Variants in L3MBTL3 observed in about 807,000 individuals in gnomAD.
The protein encoded by L3MBTL3 is lethal(3)malignant brain tumor-like protein 3.
In L3MBTL3, 27 loss-of-function variants were observed where a neutral mutation model predicts 102.3. The ratio of observed to expected loss-of-function variants is 0.26; its 90% CI spans 0.19 to 0.36. L3MBTL3 has a LOEUF of 0.36. L3MBTL3 is among the 10% of genes least tolerant of loss of function. The probability of loss-of-function intolerance (pLI) is 1.00; values close to 1 mark genes in which losing one functional copy is unlikely to be tolerated. For synonymous variants in L3MBTL3, 340 were observed against 320.9 expected (o/e 1.06, Z -0.64); for missense variants, 798 against 955.3 (o/e 0.84, Z 2.17).
chr6:130,120,981 T>G (rs776831318), intron 20 of L3MBTL3, 23 bp downstream of exon 20: 1 of 1,445,212 alleles, frequency 6.9e-7, no homozygotes. Context: ...ATTCTCATAT[T>G]ACTAATGTGT....
rs755927782 is a variant in L3MBTL3 at position 130,049,760 on chromosome 6, G to A, written c.219G>A (p.Pro73=). The change falls in exon 5 of 23, where the codon CCG becomes CCA. Residue 73 remains proline, a synonymous_variant. Transcript: ENST00000361794. The part of the protein sequence containing the change: ...TWMVPTAQEA[P]TSPPSSRPVF... The stretch of plus-strand genomic sequence containing the variant: ...CTCCTAAATCTACATCTCCAGCCCC[G>A]ACCTCTCCCCCGAGCTCCAGGCCCG... 43 of 1,613,664 alleles carry A rather than the reference G, an allele frequency of 2.7e-5. No individual in the cohort carries two copies. The highest frequency in any genetic ancestry group is 1.0e-4 in the Admixed American group (6 of 59,968).
In L3MBTL3 at chr6:130,094,361, C is replaced by T. The variant is rs774944976; in HGVS notation, c.1730C>T (p.Pro577Leu). Residue 577 changes from proline (P) to leucine (L), a missense_variant, in exon 18 of 23, where the codon CCT becomes CTT. Pro to Leu is a moderately conservative substitution (Grantham distance 98). Coordinates refer to ENST00000361794, the MANE Select transcript of L3MBTL3 (RefSeq NM_032438.4). ...GHFKRARHLGPHSAANCPYSE... is the reference protein window; with the variant it reads ...GHFKRARHLGLHSAANCPYSE... ...TTCAAGAGAGCGAGACATCTGGGCC[C>T]TCACAGGTATGTGGTAGCTGTCACT... 22 of 1,612,272 alleles carry T rather than the reference C, an allele frequency of 1.4e-5. No homozygotes were observed. The highest frequency in any genetic ancestry group is 2.2e-5 in the East Asian group (1 of 44,854).
intron 1 of L3MBTL3, among the ~76,000 whole-genome samples, chr6:130,018,919 T>C (rs1038048729): frequency 6.6e-6 from 1 of 151,890 alleles, no homozygotes; most frequent in East Asian, 1.9e-4. Flanking sequence ...CGGAAACGGC[T>C]GGAGGGGGAG....
chr6:130,134,200 A>G (rs1787371537), intron 22 of L3MBTL3, among the ~76,000 whole-genome samples: 1 of 152,244 alleles, frequency 6.6e-6, no homozygotes, highest in Non-Finnish European at 1.5e-5. Context: ...TATATAGTTT[A>G]TAGCACAGAG....
intron 2 of L3MBTL3, among the ~76,000 whole-genome samples, chr6:130,035,686 G>A (rs1460174009): frequency 6.6e-6 from 1 of 152,158 alleles, no homozygotes; most frequent in Non-Finnish European, 1.5e-5. Flanking sequence ...TTGCAGCCAT[G>A]GTCAGCCATG....
intron 3 of L3MBTL3, among the ~76,000 whole-genome samples, chr6:130,043,421 C>G (rs1780548896): frequency 6.6e-6 from 1 of 152,178 alleles, no homozygotes; most frequent in Non-Finnish European, 1.5e-5. Flanking sequence ...GCCTCCTTTT[C>G]CCAGTAACCC....
intron 2 of L3MBTL3, among the ~76,000 whole-genome samples, chr6:130,033,210 G>A (rs143263884): frequency 8.5e-5 from 13 of 152,238 alleles, no homozygotes; most frequent in East Asian, 7.7e-4. Context: ...TGGGTGAGTC[G>A]GGTGGGGAGG....
At chr6:130,119,313 G>A (rs1785958928) in intron 19 of L3MBTL3, among the ~76,000 whole-genome samples, 1 of 152,124 alleles carries the variant, frequency 6.6e-6, no homozygotes, top group Non-Finnish European at 1.5e-5. Flanking sequence ...CAAACTATTT[G>A]TTGACCACAA....
chr6:130,141,077 G>A lies in L3MBTL3; in HGVS notation c.*1324G>A, dbSNP rs997988279. 18 of 152,406 alleles carry A rather than the reference G, an allele frequency of 1.2e-4. No homozygotes were observed. Among genetic ancestry groups the A allele is most frequent in the Admixed American group, 1.1e-3 (17 of 15,284 alleles). The allele number at this position is 152,406 out of a possible 1,614,324, so 9.4% of individuals were successfully genotyped here. On this transcript the variant is annotated 3_prime_UTR_variant, in exon 23 of 23. Coordinates refer to ENST00000361794, the MANE Select transcript of L3MBTL3 (RefSeq NM_032438.4). ...TAAATTATTTTGTCCGTCTTTTGAT[G>A]TACTTTCTGATTCCAGGATTGGATA...
intron 2 of L3MBTL3, among the ~76,000 whole-genome samples, chr6:130,035,375 CTCAAGGGAGAG>C (rs1779992368): frequency 6.6e-6 from 1 of 152,156 alleles, no homozygotes; most frequent in East Asian, 1.9e-4. Flanking sequence ...GATAGAATAT[CTCAAGGGAGAG>C]TCAGGTTTCA....
At chr6:130,044,608 A>G (rs116062952) in intron 3 of L3MBTL3, among the ~76,000 whole-genome samples, 80 of 152,300 alleles carry the variant, frequency 5.3e-4, no homozygotes, top group African/African-American at 1.9e-3. Context: ...TTTGATAATG[A>G]CTTTCAGACC....
chr6:130,108,409 T>C (rs1370275723), intron 19 of L3MBTL3, among the ~76,000 whole-genome samples: 2 of 151,862 alleles, frequency 1.3e-5, no homozygotes, highest in East Asian at 3.9e-4. Flanking sequence ...TAATTTTTTG[T>C]GTTTTTAGTG....
intron 1 of L3MBTL3, among the ~76,000 whole-genome samples, chr6:130,021,006 C>T (rs1778974280): frequency 6.6e-6 from 1 of 151,920 alleles, no homozygotes. Context: ...GCGGCCGGGG[C>T]GAGTGCGTCC....
intron 16 of L3MBTL3, among the ~76,000 whole-genome samples, chr6:130,088,518 G>A (rs1302996143): frequency 6.6e-6 from 1 of 152,148 alleles, no homozygotes; most frequent in Non-Finnish European, 1.5e-5. Flanking sequence ...CATCTTTTAA[G>A]ATTACATATT....
At chr6:130,131,749 G>C (rs1465744140) in intron 20 of L3MBTL3, among the ~76,000 whole-genome samples, 3 of 152,148 alleles carry the variant, frequency 2.0e-5, no homozygotes, top group African/African-American at 4.8e-5. Context: ...GACTGTATAG[G>C]GTAACTTCCT....
intron 13 of L3MBTL3, among the ~76,000 whole-genome samples, chr6:130,073,821 G>A (rs183847078): frequency 1.3e-5 from 2 of 152,108 alleles, no homozygotes; most frequent in Non-Finnish European, 2.9e-5. Context: ...CTTTTAACTC[G>A]AGTTTTGTGC....
At chr6:130,072,072 G>A (rs568209346) in intron 13 of L3MBTL3, among the ~76,000 whole-genome samples, 15 of 152,070 alleles carry the variant, frequency 9.9e-5, no homozygotes, top group East Asian at 1.9e-4. Context: ...ACCCAAGTAC[G>A]GTTGGCCTTC....
chr6:130,116,429 ATGT>A (rs67713865), intron 19 of L3MBTL3, among the ~76,000 whole-genome samples: 65,874 of 151,608 alleles, frequency 0.43, 16,495 homozygotes, highest in East Asian at 0.74. Flanking sequence ...CTAAGATCAT[ATGT>A]GTAACCACTA....
intron 10 of L3MBTL3, among the ~76,000 whole-genome samples, chr6:130,063,878 G>A (rs527932504): frequency 2.6e-5 from 4 of 152,276 alleles, no homozygotes; most frequent in East Asian, 3.9e-4. Flanking sequence ...TTCCCAGTAC[G>A]AGAACTGAAA....
Sources: gnomAD v4.1 joint callset for allele counts (sites outside exome capture counted in the v4.1 genomes callset) on GRCh38, gnomAD v4.1.1 for gene constraint, MANE v1.5 for transcripts, NCBI Gene and HGNC (gene_info 2026-07-23, HGNC 2026-07-21) for gene names.